The following HMCN2 variants were observed in gnomAD, a reference collection of about 807,000 sequenced individuals.
HMCN2 encodes the protein hemicentin-2.
In HMCN2, 325 loss-of-function variants were observed where a neutral mutation model predicts 377.5. The ratio of observed to expected loss-of-function variants is 0.86; its 90% CI spans 0.79 to 0.94. The LOEUF is 0.94. HMCN2 is among the 40% of genes least tolerant of loss of function. The pLI, the probability that HMCN2 is intolerant of heterozygous loss-of-function variation, is 0.00. For synonymous variants in HMCN2, 2,007 were observed against 2,046.8 expected (o/e 0.98, Z 0.53); for missense variants, 4,543 against 4,725.3 (o/e 0.96, Z 1.13).
chr9:130,267,589 A>T (rs1834190526), intron 1 of HMCN2, among the ~76,000 whole-genome samples: 1 of 152,196 alleles, frequency 6.6e-6, no homozygotes, highest in African/African-American at 2.4e-5. Flanking sequence ...TGCATTTATT[A>T]ATCACAATAC....
chr9:130,381,647 G>A (rs1256678531), intron 54 of HMCN2, among the ~76,000 whole-genome samples: 1 of 152,168 alleles, frequency 6.6e-6, no homozygotes, highest in Admixed American at 6.5e-5. Flanking sequence ...GGGATTGTAG[G>A]ATTGTAGGCG....
rs1433032426 is a variant in HMCN2 at position 130,304,320 on chromosome 9, A to G, written c.1544-410A>G. Among the ~76,000 whole-genome samples the G allele has an allele frequency of 6.6e-6, 1 of 152,192 alleles. No individual in the cohort carries two copies. Among genetic ancestry groups the G allele is most frequent in the Non-Finnish European group, 1.5e-5 (1 of 68,038 alleles). Reference sequence around the variant, plus strand: ...CTCCTTGGGGGCATATTTGGCTGCTATAAATAGCCCTGCTGTTGGTACAGA... The same window carrying G: ...CTCCTTGGGGGCATATTTGGCTGCTGTAAATAGCCCTGCTGTTGGTACAGA... On this transcript the variant is annotated intron_variant, in intron 10 of 97. Coordinates refer to ENST00000683500, the MANE Select transcript of HMCN2 (RefSeq NM_001291815.2). This position sits in a 1 kb window ranked among gnomAD's most constrained non-coding sequence, Gnocchi z 4.3.
chr9:130,293,279 G>GTTTTTTTTTTTTTTTTTTTTTTTTTTT lies in HMCN2; in HGVS notation c.613-1555_613-1554insTTTTTTTTTTTTTTTTTTTTTTTTTTT, dbSNP rs71387339. 8.6e-4 allele frequency among the ~76,000 whole-genome samples: 49 copies of GTTTTTTTTTTTTTTTTTTTTTTTTTTT among 57,126 alleles called. 8 individuals are homozygous for GTTTTTTTTTTTTTTTTTTTTTTTTTTT. The highest frequency in any genetic ancestry group is 3.6e-3 in the African/African-American group (32 of 8,886). The allele number at this position is 57,126 out of a possible 152,430, so 37.5% of individuals were successfully genotyped here. A position where few individuals can be genotyped will look rare whatever the true frequency, so the allele number is the denominator to read the frequency against. On this transcript the variant is annotated intron_variant, in intron 4 of 97. Transcript: ENST00000683500. ...TTCCAAATAAAATCTACTCACTAAA[G>GTTTTTTTTTTTTTTTTTTTTTTTTTTT]TTTTTTTTTTTTTTTTTTTTTGCGG... is the stretch of plus-strand genomic sequence containing the variant.
intron 34 of HMCN2, among the ~76,000 whole-genome samples, chr9:130,356,854 A>G (rs1470839387): frequency 6.6e-6 from 1 of 152,198 alleles, no homozygotes; most frequent in Non-Finnish European, 1.5e-5. Flanking sequence ...CTGGCCACAG[A>G]GTAGATGCTC....
At chr9:130,331,473 G>A (rs1165828044) in intron 22 of HMCN2, among the ~76,000 whole-genome samples, 1 of 152,054 alleles carries the variant, frequency 6.6e-6, no homozygotes, top group Non-Finnish European at 1.5e-5. Flanking sequence ...AGTATCCTAT[G>A]CCCAGGATTG....
rs1389769746 is a variant in HMCN2, at chr9:130,391,259, G to A, written c.9723G>A (p.Gly3241=). The A allele has an allele frequency of 5.1e-6, 5 of 987,786 alleles. No homozygotes were observed. In the East Asian group the frequency reaches 3.4e-4, roughly 67 times the overall value. 61.2% of individuals were successfully genotyped at this position (987,786 alleles called of 1,614,324 possible). The change falls in exon 64 of 98, where the codon GGG becomes GGA. Residue 3241 remains glycine (G), a synonymous_variant. Transcript: ENST00000683500. The stretch of plus-strand genomic sequence containing the variant: ...CGCGGGAGCACCATGTCTTGGAAGG[G>A]CAGGAGGTGCGGCTGGACTGTGAGG... ...GVAREHHVLE[G]QEVRLDCEAD...
chr9:130,427,869 C>G (rs955588436), intron 92 of HMCN2, among the ~76,000 whole-genome samples: 1 of 152,180 alleles, frequency 6.6e-6, no homozygotes, highest in Admixed American at 6.5e-5. Context: ...GACATATGGG[C>G]GGCTACACAT....
Position 130,382,250 on chromosome 9 carries a change from C to T in HMCN2, c.8498C>T (p.Ser2833Phe). The T allele has an allele frequency of 1.0e-6, 1 of 985,862 alleles. No homozygotes were observed. The highest frequency in any genetic ancestry group is 1.2e-6 in the Non-Finnish European group (1 of 829,960). 61.1% of individuals were successfully genotyped at this position (985,862 alleles called of 1,614,324 possible). A position where few individuals can be genotyped will look rare whatever the true frequency, so the allele number is the denominator to read the frequency against. Reference sequence around the variant, plus strand: ...GCCGGGAGGTACTCGTGCAAGGCCTCCAACGAGGTGGGCGAGGACTGGCTG... The same window carrying T: ...GCCGGGAGGTACTCGTGCAAGGCCTTCAACGAGGTGGGCGAGGACTGGCTG... ...ENAGRYSCKASNEVGEDWLHY... is the reference protein window; with the variant it reads ...ENAGRYSCKAFNEVGEDWLHY... The change falls in exon 55 of 98, where the codon TCC becomes TTC. Residue 2833 changes from serine to phenylalanine, a missense_variant. Ser to Phe is a radical substitution (Grantham distance 155). Transcript: ENST00000683500.
Position 130,425,236 on chromosome 9 carries a change from G to C in HMCN2, c.13641+106G>C, listed in dbSNP as rs1395943787. The C allele has an allele frequency of 2.4e-6, 3 of 1,261,788 alleles. No individual in the cohort carries two copies. In the East Asian group the frequency reaches 7.7e-5, roughly 32 times the overall value. The allele number at this position is 1,261,788 out of a possible 1,614,324, so 78.2% of individuals were successfully genotyped here. ...GCCAGGCCCACTCTCCCTTCTGACA[G>C]CGCTGCAGGGCTGGGTCACAGTCTA... On this transcript the variant is annotated intron_variant, in intron 89 of 97. Coordinates refer to ENST00000683500, the MANE Select transcript of HMCN2 (RefSeq NM_001291815.2).
Position 130,431,375 on chromosome 9 carries a change from G to A in HMCN2, c.14656G>A (p.Glu4886Lys), listed in dbSNP as rs1188211866. 18 of 1,549,558 alleles carry A rather than the reference G, an allele frequency of 1.2e-5. No homozygotes were observed. The highest frequency in any genetic ancestry group is 4.9e-5 in the East Asian group (2 of 40,910). Residue 4886 changes from glutamate (E) to lysine (K), a missense_variant, in exon 96 of 98, where the codon GAG becomes AAG. Glu to Lys is a moderately conservative substitution (Grantham distance 56). Transcript: ENST00000683500. ...RQNGVCTDLD[E>K]CRVRNLCQHA... ...CCCCATGCCCGGGCCAGACCTTGAC[G>A]AGTGCCGCGTGAGGAACCTGTGTCA...
chr9:130,348,335 C>A, intron 26 of HMCN2: 1 of 619,434 alleles, frequency 1.6e-6, no homozygotes, highest in Non-Finnish European at 2.0e-6. Flanking sequence ...GACACCTGGG[C>A]CTGGGCACGA....
chr9:130,397,985 A>G (rs1016934759), intron 74 of HMCN2, among the ~76,000 whole-genome samples: 14 of 83,454 alleles, frequency 1.7e-4, no homozygotes, highest in African/African-American at 6.1e-4. Context: ...CCATCTCTAC[A>G]AAAAAAAAAA....
intron 97 of HMCN2, 166 bp downstream of exon 97, chr9:130,432,721 C>T: frequency 1.5e-6 from 1 of 671,682 alleles, no homozygotes; most frequent in Non-Finnish European, 2.5e-6. Context: ...AGAACGGGGA[C>T]ACAGGAGCAC....
At chr9:130,358,568 G>A (rs369504630) in intron 36 of HMCN2, 82 bp downstream of exon 36, 446 of 1,232,172 alleles carry the variant, frequency 3.6e-4, no homozygotes, top group East Asian at 1.4e-3. Flanking sequence ...AGTGTGTGGC[G>A]AGGGAGGGGG....
At position 130,283,851 on chromosome 9, in the gene HMCN2, A is replaced by G. The variant is rs529103196; in HGVS notation, c.260-752A>G. Among the ~76,000 whole-genome samples the G allele has an allele frequency of 5.9e-5, 9 of 152,296 alleles. 1 individual carries two copies. The East Asian group carries it at 1.5e-3, about 26-fold the overall frequency. ...TCTGGCTTGTGTCCAGTGTTGGACT[A>G]TTGTGAATACAGCTGCTATGAACCT... On this transcript the variant is annotated intron_variant, in intron 1 of 97. Transcript: ENST00000683500.
chr9:130,315,270 CTCCCCTCCTTCCCCT>C (rs2131382364), intron 15 of HMCN2, among the ~76,000 whole-genome samples: 1 of 8,296 alleles, frequency 1.2e-4, no homozygotes. Flanking sequence ...TCCCCTTCCC[CTCCCCTCCTTCCCCT>C]CCCTCCCCTC....
intron 1 of HMCN2, among the ~76,000 whole-genome samples, chr9:130,267,017 CTCGCT>C (rs1834142515): frequency 6.6e-6 from 1 of 152,186 alleles, no homozygotes; most frequent in South Asian, 2.1e-4. Context: ...GTGATCACAG[CTCGCT>C]GCAGCCTCGA....
chr9:130,313,452 G>T (rs1837372819), intron 15 of HMCN2, among the ~76,000 whole-genome samples: 1 of 152,238 alleles, frequency 6.6e-6, no homozygotes, highest in Non-Finnish European at 1.5e-5. Context: ...GCTGGTATTT[G>T]CCTGCATTAT....
At chr9:130,286,748 C>T (rs1835435505) in intron 4 of HMCN2, among the ~76,000 whole-genome samples, 1 of 152,196 alleles carries the variant, frequency 6.6e-6, no homozygotes, top group Non-Finnish European at 1.5e-5. Flanking sequence ...CAGGAGCTCT[C>T]AGGTCCAGGC....
Sources: allele counts gnomAD v4.1 joint callset (sites outside exome capture counted in the v4.1 genomes callset), GRCh38; gene constraint gnomAD v4.1.1; non-coding constraint Gnocchi (gnomAD v3.1); transcripts MANE v1.5; gene names NCBI Gene and HGNC (gene_info 2026-07-23, HGNC 2026-07-21).